DENND1A: variants seen among roughly 807,000 people sequenced by gnomAD.
DENND1A encodes DENN domain containing 1A.
In DENND1A, 51 loss-of-function variants were observed where a neutral mutation model predicts 113.7. The ratio of observed to expected loss-of-function variants is 0.45; its 90% CI spans 0.36 to 0.57. DENND1A has a LOEUF of 0.57. DENND1A is among the 20% of genes least tolerant of loss of function. The pLI is 0.00. For synonymous variants in DENND1A, 565 were observed against 570.8 expected, an observed-to-expected ratio of 0.99 and a Z score of 0.14; for missense variants, 1,258 against 1,395.9, an observed-to-expected ratio of 0.90 and a Z score of 1.57.
chr9:123,471,878 C>A (rs1295015924), intron 13 of DENND1A, among the ~76,000 whole-genome samples: 1 of 152,318 alleles, frequency 6.6e-6, no homozygotes, highest in Non-Finnish European at 1.5e-5. Flanking sequence ...ATTTTCTACA[C>A]AAAAATGTCC....
rs2049722791 is a variant in DENND1A at position 123,474,364 on chromosome 9, ACT to A, written c.994-16469_994-16468del. 2.6e-5 allele frequency among the ~76,000 whole-genome samples: 4 copies of A among 151,924 alleles called. No homozygotes were observed. In the South Asian group the frequency reaches 8.3e-4, roughly 32 times the overall value. ...ACAGAAGAACCCTGACAATTATAAA[ACT>A]CTCTATAAACATCAGCTGTTATTAC... On this transcript the variant is annotated intron_variant, in intron 13 of 23. Coordinates refer to ENST00000394215, the MANE Select transcript of DENND1A (RefSeq NM_001352964.2).
intron 5 of DENND1A, among the ~76,000 whole-genome samples, chr9:123,709,547 C>A (rs958425464): frequency 6.6e-6 from 1 of 152,122 alleles, no homozygotes; most frequent in African/African-American, 2.4e-5. Flanking sequence ...TCTCTTACTT[C>A]CCCATGTCCC....
At chr9:123,890,672 T>C (rs1849769332) in intron 1 of DENND1A, among the ~76,000 whole-genome samples, 1 of 152,210 alleles carries the variant, frequency 6.6e-6, no homozygotes, top group Non-Finnish European at 1.5e-5. Flanking sequence ...GAACTACTAT[T>C]ACCATCATTC....
chr9:123,757,995 AAGAC>A (rs954496846), intron 4 of DENND1A, among the ~76,000 whole-genome samples, 173 bp from the exon 5 acceptor site: 4 of 150,754 alleles, frequency 2.7e-5, no homozygotes, highest in African/African-American at 9.9e-5. Flanking sequence ...AAAAAAAAAA[AAGAC>A]AGCCAGCAGC....
intron 11 of DENND1A, among the ~76,000 whole-genome samples, chr9:123,602,719 C>T (rs529240161): frequency 2.2e-4 from 33 of 152,304 alleles, no homozygotes; most frequent in African/African-American, 7.2e-4. Flanking sequence ...GGCTGGAGTG[C>T]GGTGGCACAA....
At chr9:123,608,727 T>C (rs1023541667) in intron 11 of DENND1A, among the ~76,000 whole-genome samples, 11 of 152,224 alleles carry the variant, frequency 7.2e-5, no homozygotes, top group Admixed American at 5.9e-4. Context: ...TGCATAAAGA[T>C]GTTCACTGAA....
In DENND1A at chr9:123,534,831, A is replaced by T. The variant is rs115057251; in HGVS notation, c.993+22739T>A. On this transcript the variant is annotated intron_variant, in intron 13 of 23. Coordinates refer to ENST00000394215, the MANE Select transcript of DENND1A (RefSeq NM_001352964.2). Reference sequence around the variant, plus strand: ...CTTCATTGATTTATAGAAATACTTTACATGATCTTGGACGCCAAGCCTTTT... The same window carrying T: ...CTTCATTGATTTATAGAAATACTTTTCATGATCTTGGACGCCAAGCCTTTT... 4.3e-3 allele frequency among the ~76,000 whole-genome samples: 662 copies of T among 152,338 alleles called. 3 individuals are homozygous for T. The highest frequency in any genetic ancestry group is 0.015 in the African/African-American group (642 of 41,564).
chr9:123,460,008 T>G lies in DENND1A; in HGVS notation c.994-2111A>C, dbSNP rs142214485. Among the ~76,000 whole-genome samples the G allele has an allele frequency of 6.6e-5, 10 of 152,308 alleles. No individual in the cohort carries two copies. In the East Asian group the frequency reaches 1.9e-3, roughly 29 times the overall value. On this transcript the variant is annotated intron_variant, in intron 13 of 23. Transcript: ENST00000394215. Reference sequence around the variant, plus strand: ...AAACAACAAAGAAAAACATCAGGGCTGCCAAATACATAGATATATAAAAAG... The same window carrying G: ...AAACAACAAAGAAAAACATCAGGGCGGCCAAATACATAGATATATAAAAAG...
chr9:123,644,828 C>T (rs934296017), intron 9 of DENND1A, among the ~76,000 whole-genome samples: 1 of 152,180 alleles, frequency 6.6e-6, no homozygotes, highest in African/African-American at 2.4e-5. Flanking sequence ...AATGGACTGG[C>T]TGTTCTGTAA....
intron 10 of DENND1A, among the ~76,000 whole-genome samples, chr9:123,610,656 T>G (rs1227665462): frequency 6.6e-6 from 1 of 152,228 alleles, no homozygotes; most frequent in Non-Finnish European, 1.5e-5. Context: ...GATGGTATTT[T>G]GTGAACCTAG....
chr9:123,762,624 C>T (rs1006317459), intron 4 of DENND1A, among the ~76,000 whole-genome samples: 3 of 152,242 alleles, frequency 2.0e-5, no homozygotes, highest in African/African-American at 7.2e-5. Flanking sequence ...GGATATACAA[C>T]ACTGAACAAT....
chr9:123,616,028 C>G (rs1479552734), intron 10 of DENND1A, among the ~76,000 whole-genome samples: 1 of 152,174 alleles, frequency 6.6e-6, no homozygotes, highest in Non-Finnish European at 1.5e-5. Flanking sequence ...CTCCTGGGTT[C>G]AAGTGATTCT....
intron 5 of DENND1A, among the ~76,000 whole-genome samples, chr9:123,692,746 T>C (rs1333786716): frequency 6.6e-6 from 1 of 152,236 alleles, no homozygotes; most frequent in Non-Finnish European, 1.5e-5. Flanking sequence ...CTTTCACAAA[T>C]GTTTGAACTT....
intron 8 of DENND1A, among the ~76,000 whole-genome samples, chr9:123,665,344 T>C (rs1414106670): frequency 6.6e-6 from 1 of 152,154 alleles, no homozygotes; most frequent in Non-Finnish European, 1.5e-5. Context: ...GCACCAAATA[T>C]ATAATATTTC....
intron 13 of DENND1A, among the ~76,000 whole-genome samples, chr9:123,470,344 C>CT (rs948359256): frequency 5.3e-5 from 8 of 152,372 alleles, no homozygotes; most frequent in Admixed American, 2.0e-4. Flanking sequence ...CAAACACCTG[C>CT]TGGCTCAACC....
chr9:123,572,618 A>C (rs2058421099), intron 12 of DENND1A, among the ~76,000 whole-genome samples: 1 of 152,120 alleles, frequency 6.6e-6, no homozygotes, highest in Non-Finnish European at 1.5e-5. Flanking sequence ...TGTTTCTTCA[A>C]ATATTTTACC....
chr9:123,709,256 C>T (rs577489484), intron 5 of DENND1A, among the ~76,000 whole-genome samples: 57 of 152,320 alleles, frequency 3.7e-4, no homozygotes, highest in African/African-American at 1.2e-3. Flanking sequence ...TTTCCCAATC[C>T]TACTCCCGAC....
intron 5 of DENND1A, among the ~76,000 whole-genome samples, chr9:123,723,183 G>A (rs1217001600): frequency 6.6e-6 from 1 of 152,228 alleles, no homozygotes; most frequent in African/African-American, 2.4e-5. Flanking sequence ...AGACTTGCAT[G>A]GGGCCTACAG....
rs145772339 is a variant in DENND1A at position 123,853,163 on chromosome 9, C to T, written c.88+25788G>A. ...TCGAACTTCTGACCTCATGATCCGC[C>T]GGTCTCAGCCTCCCAAAGTGCTGGG... On this transcript the variant is annotated intron_variant, in intron 2 of 23. Coordinates refer to ENST00000394215, the MANE Select transcript of DENND1A (RefSeq NM_001352964.2). Among the ~76,000 whole-genome samples the T allele has an allele frequency of 9.6e-3, 1,448 of 151,018 alleles. 25 individuals are homozygous for T. Among genetic ancestry groups the T allele is most frequent in the African/African-American group, 0.032 (1,321 of 41,224 alleles).
Sources: gnomAD v4.1 joint callset for allele counts (sites outside exome capture counted in the v4.1 genomes callset) on GRCh38, gnomAD v4.1.1 for gene constraint, MANE v1.5 for transcripts, NCBI Gene and HGNC (gene_info 2026-07-23, HGNC 2026-07-21) for gene names.